DDR2: variants seen among roughly 807,000 people sequenced by gnomAD.
DDR2 encodes discoidin domain receptor tyrosine kinase 2.
Under a neutral mutation model 94.9 loss-of-function variants are expected in DDR2, and 27 were observed. That is an observed-to-expected ratio of 0.28 (90% CI 0.21 to 0.39). The LOEUF (loss-of-function observed/expected upper bound fraction) is 0.39, where lower values mean the gene tolerates loss of function less well. DDR2 is among the 10% of genes least tolerant of loss of function. The pLI, the probability that DDR2 is intolerant of heterozygous loss-of-function variation, is 1.00. For missense variants in DDR2, 783 were observed against 1,076.0 expected (o/e 0.73, Z 3.81); for synonymous variants, 382 against 377.2 (o/e 1.01, Z -0.15).
At chr1:162,655,086 T>C (rs1239054607) in intron 1 of DDR2, 125 bp from the exon 2 acceptor site, 3 of 152,132 alleles carry the variant, frequency 2.0e-5, no homozygotes, top group African/African-American at 7.2e-5. Context: ...ATACATCCAA[T>C]TCCTTTAGTG....
chr1:162,711,388 C>A (rs944464092), intron 2 of DDR2, among the ~76,000 whole-genome samples: 5 of 152,160 alleles, frequency 3.3e-5, no homozygotes, highest in African/African-American at 1.2e-4. Context: ...GGCATTGAAT[C>A]CTTTTGCGAA....
At chr1:162,644,103 G>A (rs899607128) in intron 1 of DDR2, among the ~76,000 whole-genome samples, 1 of 152,180 alleles carries the variant, frequency 6.6e-6, no homozygotes, top group Non-Finnish European at 1.5e-5. Flanking sequence ...TTGGAAATAA[G>A]CTAATATTTG....
chr1:162,751,884 A>G (rs538266208), intron 3 of DDR2, among the ~76,000 whole-genome samples: 1 of 152,318 alleles, frequency 6.6e-6, no homozygotes, highest in African/African-American at 2.4e-5. Flanking sequence ...ATTTGAGCAA[A>G]CTATCGCAAG....
intron 9 of DDR2, among the ~76,000 whole-genome samples, chr1:162,765,274 G>A (rs945834189): frequency 3.9e-5 from 6 of 152,028 alleles, no homozygotes; most frequent in Admixed American, 1.3e-4. Context: ...GCCGAACTCC[G>A]AAAGCACATG....
chr1:162,633,412 G>A lies in DDR2; in HGVS notation c.-192+781G>A, dbSNP rs77351407. 1.9e-3 allele frequency among the ~76,000 whole-genome samples: 291 copies of A among 152,278 alleles called. 5 individuals are homozygous for A. In the East Asian group the frequency reaches 0.043, roughly 23 times the overall value. ...AGTTCGTACTGTTCAAGCCAGTAGGGGGTTCAGCACCATTTTGCCGATCAT... is the reference window on the plus strand; with the variant it reads ...AGTTCGTACTGTTCAAGCCAGTAGGAGGTTCAGCACCATTTTGCCGATCAT... On this transcript the variant is annotated intron_variant, in intron 1 of 17. Transcript: ENST00000367921.
intron 1 of DDR2, among the ~76,000 whole-genome samples, chr1:162,651,743 TA>T (rs1231325290): frequency 6.6e-6 from 1 of 152,352 alleles, no homozygotes; most frequent in African/African-American, 2.4e-5. Flanking sequence ...CTTAATCTCC[TA>T]ACAAAATACT....
At chr1:162,711,111 A>C (rs1660891517) in intron 2 of DDR2, among the ~76,000 whole-genome samples, 1 of 152,208 alleles carries the variant, frequency 6.6e-6, no homozygotes, top group Non-Finnish European at 1.5e-5. Context: ...CTGTCTACCA[A>C]ATCAGACATG....
intron 3 of DDR2, 30 bp downstream of exon 3, chr1:162,719,175 A>G (rs1661299734): frequency 4.3e-6 from 7 of 1,613,562 alleles, no homozygotes; most frequent in South Asian, 1.1e-5. Flanking sequence ...GCTATATGCT[A>G]GAAGACCAGC....
chr1:162,767,176 T>G, intron 10 of DDR2, 53 bp from the exon 11 acceptor site: 1 of 1,613,628 alleles, frequency 6.2e-7, no homozygotes, highest in Non-Finnish European at 8.5e-7. Flanking sequence ...CCCTCATACT[T>G]TTACTTGACC....
chr1:162,715,910 G>A (rs775945002), intron 2 of DDR2, among the ~76,000 whole-genome samples: 11 of 152,114 alleles, frequency 7.2e-5, no homozygotes, highest in Non-Finnish European at 1.3e-4. Flanking sequence ...TTGGAGATTC[G>A]CAGCTTGAAG....
At chr1:162,678,239 T>C (rs958796852) in intron 2 of DDR2, among the ~76,000 whole-genome samples, 1 of 94,508 alleles carries the variant, frequency 1.1e-5, no homozygotes, top group Non-Finnish European at 2.5e-5. Flanking sequence ...AGTGTGACCT[T>C]GGGCAGGTTA....
In DDR2 at chr1:162,785,489, G is replaced by A. The variant is rs926654265; in HGVS notation, c.*5243G>A. The A allele has an allele frequency of 3.9e-5, 6 of 152,186 alleles. No homozygotes were observed. The highest frequency in any genetic ancestry group is 1.4e-4 in the African/African-American group (6 of 41,448). 9.4% of individuals were successfully genotyped at this position (152,186 alleles called of 1,614,324 possible). A position where few individuals can be genotyped will look rare whatever the true frequency, so the allele number is the denominator to read the frequency against. ...ATTGCAAACACAGCGGCAACCTGGG[G>A]AGAAGTTGAAACTCCAGTTTTGTGG... is the stretch of plus-strand genomic sequence containing the variant. On this transcript the variant is annotated 3_prime_UTR_variant, in exon 18 of 18. Transcript: ENST00000367921.
At chr1:162,748,317 A>C (rs1662991323) in intron 3 of DDR2, among the ~76,000 whole-genome samples, 2 of 152,230 alleles carry the variant, frequency 1.3e-5, no homozygotes, top group South Asian at 4.1e-4. Context: ...TCCACCAAGC[A>C]AATGGAAAAC....
intron 1 of DDR2, among the ~76,000 whole-genome samples, chr1:162,645,154 C>T (rs994884261): frequency 6.6e-6 from 1 of 152,190 alleles, no homozygotes; most frequent in African/African-American, 2.4e-5. Context: ...GGTGAACAGG[C>T]GGGGACTCCC....
At chr1:162,720,432 T>C (rs963814787) in intron 3 of DDR2, among the ~76,000 whole-genome samples, 1 of 150,082 alleles carries the variant, frequency 6.7e-6, no homozygotes, top group Non-Finnish European at 1.5e-5. Flanking sequence ...TCTTTGTGTC[T>C]GGCTTCTTTC....
chr1:162,752,448 A>G (rs1379074810), intron 3 of DDR2, among the ~76,000 whole-genome samples: 2 of 152,186 alleles, frequency 1.3e-5, no homozygotes, highest in African/African-American at 4.8e-5. Context: ...TCATTATCTT[A>G]AAACATAATT....
At chr1:162,657,873 C>A (rs1468181210) in intron 2 of DDR2, among the ~76,000 whole-genome samples, 1 of 151,894 alleles carries the variant, frequency 6.6e-6, no homozygotes, top group Non-Finnish European at 1.5e-5. Context: ...CTTTTTGATC[C>A]TTATTCTCTC....
intron 3 of DDR2, among the ~76,000 whole-genome samples, chr1:162,742,695 T>C (rs1024019338): frequency 2.6e-5 from 4 of 151,866 alleles, no homozygotes; most frequent in East Asian, 3.9e-4. Flanking sequence ...CTATATCTGA[T>C]GGTGTATTAA....
chr1:162,647,050 A>G (rs556871217), intron 1 of DDR2, among the ~76,000 whole-genome samples: 20 of 152,180 alleles, frequency 1.3e-4, no homozygotes, highest in Non-Finnish European at 2.5e-4. Context: ...CTTGGGAAGA[A>G]TACGCTTTTG....
Sources: gnomAD v4.1 joint callset for allele counts (sites outside exome capture counted in the v4.1 genomes callset) on GRCh38, gnomAD v4.1.1 for gene constraint, MANE v1.5 for transcripts, NCBI Gene and HGNC (gene_info 2026-07-23, HGNC 2026-07-21) for gene names.